SLC10A7: variants seen among roughly 807,000 people sequenced by gnomAD.
The protein encoded by SLC10A7 is sodium/bile acid cotransporter 7.
A neutral mutation model predicts 43.2 loss-of-function variants in SLC10A7; 29 were observed. That is an observed-to-expected ratio of 0.67 (90% CI 0.50 to 0.92). The LOEUF is 0.92. SLC10A7 is among the 40% of genes least tolerant of loss of function. The pLI is 0.00. For missense variants in SLC10A7, 295 were observed against 403.2 expected (o/e 0.73, Z 2.30); for synonymous variants, 152 against 144.8 (o/e 1.05, Z -0.35).
intron 5 of SLC10A7, among the ~76,000 whole-genome samples, chr4:146,356,553 C>G (rs946572275): frequency 1.3e-5 from 2 of 149,176 alleles, no homozygotes; most frequent in African/African-American, 5.0e-5. Context: ...GCTTCCACAA[C>G]TGTCCCATCT....
intron 5 of SLC10A7, among the ~76,000 whole-genome samples, chr4:146,386,502 CTG>C (rs775703875): frequency 6.6e-6 from 1 of 152,178 alleles, no homozygotes; most frequent in Non-Finnish European, 1.5e-5. Flanking sequence ...TACTTGCAAA[CTG>C]TGTGTGTGAC....
chr4:146,431,914 A>G (rs548740722), intron 5 of SLC10A7, among the ~76,000 whole-genome samples: 5 of 152,352 alleles, frequency 3.3e-5, no homozygotes, highest in African/African-American at 1.2e-4. Context: ...ACTGGTGTCC[A>G]AAACATACTT....
At chr4:146,322,096 T>G (rs1029755283) in intron 6 of SLC10A7, among the ~76,000 whole-genome samples, 5 of 152,234 alleles carry the variant, frequency 3.3e-5, no homozygotes, top group African/African-American at 1.2e-4. Context: ...ACATTACAAC[T>G]AAAGTTCATG....
rs566609952 is a variant in SLC10A7, at chr4:146,406,799, A to G, written c.435+35984T>C. Among the ~76,000 whole-genome samples, 3 of 152,262 alleles carry G rather than the reference A, an allele frequency of 2.0e-5. No homozygotes were observed. The South Asian group carries it at 6.2e-4, about 32-fold the overall frequency. Reference sequence around the variant, plus strand: ...GGAGTTTGAGACCGGGCTGGCCAACATGGTGAAACCCCATCTCTACTAAAA... The same window carrying G: ...GGAGTTTGAGACCGGGCTGGCCAACGTGGTGAAACCCCATCTCTACTAAAA... On this transcript the variant is annotated intron_variant, in intron 5 of 11. Coordinates refer to ENST00000335472, the MANE Select transcript of SLC10A7 (RefSeq NM_001029998.6).
At chr4:146,392,328 C>T (rs1210561111) in intron 5 of SLC10A7, among the ~76,000 whole-genome samples, 1 of 152,120 alleles carries the variant, frequency 6.6e-6, no homozygotes. Flanking sequence ...TCTCCCTTAT[C>T]TCTTAAACCT....
At chr4:146,321,358 C>T (rs1490921730) in intron 6 of SLC10A7, among the ~76,000 whole-genome samples, 3 of 152,056 alleles carry the variant, frequency 2.0e-5, no homozygotes, top group African/African-American at 7.2e-5. Flanking sequence ...ACATAGAATT[C>T]CACCTGTGTG....
chr4:146,264,249 T>C (rs1388977836), intron 10 of SLC10A7, among the ~76,000 whole-genome samples: 2 of 152,254 alleles, frequency 1.3e-5, no homozygotes, highest in African/African-American at 4.8e-5. Flanking sequence ...ATTCCCTTTG[T>C]ATCAGTGTTC....
At chr4:146,266,683 A>T (rs981058095) in intron 10 of SLC10A7, among the ~76,000 whole-genome samples, 11 of 152,200 alleles carry the variant, frequency 7.2e-5, no homozygotes, top group African/African-American at 2.7e-4. Flanking sequence ...GTTGTTTTTC[A>T]AGCAGGGATT....
intron 5 of SLC10A7, among the ~76,000 whole-genome samples, chr4:146,434,244 T>C (rs958812720): frequency 2.0e-5 from 3 of 152,356 alleles, no homozygotes; most frequent in Admixed American, 1.3e-4. Flanking sequence ...TGATTCGTTA[T>C]AGCTAGGTGA....
intron 5 of SLC10A7, among the ~76,000 whole-genome samples, chr4:146,339,111 CT>C (rs1038077884): frequency 6.6e-6 from 1 of 151,890 alleles, no homozygotes; most frequent in Non-Finnish European, 1.5e-5. Flanking sequence ...TTAAAATAAA[CT>C]TCTAAAATAA....
intron 5 of SLC10A7, among the ~76,000 whole-genome samples, chr4:146,374,326 T>C (rs1737006508): frequency 6.6e-6 from 1 of 152,086 alleles, no homozygotes; most frequent in African/African-American, 2.4e-5. Context: ...CGGTGGCTCA[T>C]GTCTGTAATC....
intron 10 of SLC10A7, among the ~76,000 whole-genome samples, chr4:146,276,371 A>G (rs1213936976): frequency 2.0e-5 from 3 of 152,114 alleles, no homozygotes; most frequent in African/African-American, 7.2e-5. Context: ...TGAAGTCTAA[A>G]CTAACAAGTA....
rs1033654107 is a variant in SLC10A7 at position 146,434,986 on chromosome 4, T to A, written c.435+7797A>T. ...AAACAGCATTTAAATCCAGGAATTT[T>A]AAGCAAATTGAGGGCAAGAATCATT... On this transcript the variant is annotated intron_variant, in intron 5 of 11. Coordinates refer to ENST00000335472, the MANE Select transcript of SLC10A7 (RefSeq NM_001029998.6). 4.0e-5 allele frequency among the ~76,000 whole-genome samples: 6 copies of A among 148,864 alleles called. No individual in the cohort carries two copies. In the South Asian group the frequency reaches 1.3e-3, roughly 32 times the overall value.
In SLC10A7 at chr4:146,474,582, T is replaced by TA. The variant is rs1471956308; in HGVS notation, c.396+29266_396+29267insT. ...TTATGCCATCACTAAGAACTTGATT[T>TA]TATCTTAAATAGCAACTTATGCAGC... On this transcript the variant is annotated intron_variant, in intron 4 of 11. Coordinates refer to ENST00000335472, the MANE Select transcript of SLC10A7 (RefSeq NM_001029998.6). Among the ~76,000 whole-genome samples, 6 of 152,242 alleles carry TA rather than the reference T, an allele frequency of 3.9e-5. No individual in the cohort carries two copies. In the East Asian group the frequency reaches 7.7e-4, roughly 20 times the overall value.
chr4:146,325,455 C>A (rs1354802090), intron 6 of SLC10A7, among the ~76,000 whole-genome samples: 1 of 152,158 alleles, frequency 6.6e-6, no homozygotes, highest in African/African-American at 2.4e-5. Context: ...AAGCACCTTT[C>A]ATTATCTCTG....
chr4:146,416,734 A>G (rs1434064961), intron 5 of SLC10A7, among the ~76,000 whole-genome samples: 1 of 152,206 alleles, frequency 6.6e-6, no homozygotes, highest in Non-Finnish European at 1.5e-5. Context: ...ATTTAAAGCC[A>G]AAATCTTTTC....
At chr4:146,271,809 C>T (rs1302209232) in intron 10 of SLC10A7, among the ~76,000 whole-genome samples, 1 of 152,184 alleles carries the variant, frequency 6.6e-6, no homozygotes, top group African/African-American at 2.4e-5. Context: ...CGCACTGCTG[C>T]CTCAGGTCTT....
At chr4:146,479,193 G>A (rs1253407062) in intron 4 of SLC10A7, among the ~76,000 whole-genome samples, 2 of 152,094 alleles carry the variant, frequency 1.3e-5, no homozygotes, top group Admixed American at 1.3e-4. Context: ...AAACTCACCA[G>A]ATTGCCAAAA....
intron 5 of SLC10A7, among the ~76,000 whole-genome samples, chr4:146,341,547 A>G (rs1215729962): frequency 1.3e-5 from 2 of 151,812 alleles, no homozygotes; most frequent in Middle Eastern, 3.2e-3. Context: ...TCACCATAAT[A>G]CATCTCATTA....
Sources: allele counts gnomAD v4.1 joint callset (sites outside exome capture counted in the v4.1 genomes callset), GRCh38; gene constraint gnomAD v4.1.1; transcripts MANE v1.5; gene names NCBI Gene and HGNC (gene_info 2026-07-23, HGNC 2026-07-21).